UBR2: variants seen among roughly 807,000 people sequenced by gnomAD.
The protein encoded by UBR2 is E3 ubiquitin-protein ligase UBR2.
Under a neutral mutation model 247.9 loss-of-function variants are expected in UBR2, and 92 were observed. The ratio of observed to expected loss-of-function variants is 0.37; its 90% CI spans 0.31 to 0.44. UBR2 has a LOEUF of 0.44. Ranked by LOEUF, UBR2 falls within the 20% of genes least tolerant of loss-of-function variation. UBR2 has a pLI of 1.00. For missense variants in UBR2, 1,613 were observed against 2,112.6 expected (o/e 0.76, Z 4.64); for synonymous variants, 672 against 693.5 (o/e 0.97, Z 0.49).
chr6:42,660,925 C>G (rs1381199366), intron 30 of UBR2, among the ~76,000 whole-genome samples: 1 of 151,726 alleles, frequency 6.6e-6, no homozygotes, highest in Non-Finnish European at 1.5e-5. Flanking sequence ...CGAGATTGCA[C>G]CACTGCCCTC....
rs201965422 is a variant in UBR2 at position 42,632,569 on chromosome 6, A to G, written c.1299A>G (p.Thr433=). 2.2e-4 allele frequency: 348 copies of G among 1,608,230 alleles called. No homozygotes were observed. Among genetic ancestry groups the G allele is most frequent in the Middle Eastern group, 1.5e-3 (9 of 6,004 alleles). ...GTTTTTAGGCTCGAATGCTCATCAC[A>G]GAAGAAAACTTAATGAGCATTATCA... ...TVPSLARMLI[T]EENLMSIIIK... The change falls in exon 12 of 47, where the codon ACA becomes ACG. Residue 433 remains threonine (T), a synonymous_variant. Transcript: ENST00000372901.
chr6:42,689,666 C>T lies in UBR2; in HGVS notation c.5122C>T (p.Leu1708Phe). 6.2e-7 allele frequency: 1 copy of T among 1,613,898 alleles called. No individual in the cohort carries two copies. ...TGACTATGGGGAGACCGACCAGGGA[C>T]TCAGGTAAGAACCCATCCTGAGTTA... ...LDDYGETDQGLRRGNPLHLCK... is the reference protein window; with the variant it reads ...LDDYGETDQGFRRGNPLHLCK... The change falls in exon 46 of 47, where the codon CTC becomes TTC. Residue 1708 changes from leucine (L) to phenylalanine (F), a missense_variant. By Grantham distance (22) the Leu-to-Phe change is conservative. This residue lies in a region of UBR2 where 80 missense variants were observed against 108.6 expected (regional missense o/e 0.74). Transcript: ENST00000372901. This position sits in a 1 kb window ranked among gnomAD's most constrained non-coding sequence, Gnocchi z 4.0.
chr6:42,642,078 T>C (rs1298656385), intron 17 of UBR2, among the ~76,000 whole-genome samples: 1 of 152,172 alleles, frequency 6.6e-6, no homozygotes, highest in East Asian at 1.9e-4. Context: ...TTTTTTTTTT[T>C]CCAAGATCAG....
At position 42,640,400 on chromosome 6, in the gene UBR2, G is replaced by A. The variant is rs1409509577; in HGVS notation, c.1920+130G>A. 3.7e-3 allele frequency: 1,479 copies of A among 396,742 alleles called. 14 individuals carry two copies. The highest frequency in any genetic ancestry group is 9.6e-3 in the South Asian group (262 of 27,384). The allele number at this position is 396,742 out of a possible 1,614,324, so 24.6% of individuals were successfully genotyped here. ...ACCAGTAAGGTGTGTGTGTGTGTGT[G>A]TGTGTGTGTGTGTGTGTGTGTGTGT... On this transcript the variant is annotated intron_variant, in intron 16 of 46. Coordinates refer to ENST00000372901, the MANE Select transcript of UBR2 (RefSeq NM_001363705.2).
At chr6:42,652,734 G>A (rs956955823) in intron 25 of UBR2, 89 bp downstream of exon 25, 5 of 1,207,366 alleles carry the variant, frequency 4.1e-6, no homozygotes, top group Middle Eastern at 2.3e-4. Context: ...AGGAAAACTA[G>A]GCCGAAATGT....
At chr6:42,638,759 A>G (rs948207122) in intron 15 of UBR2, among the ~76,000 whole-genome samples, 8 of 152,194 alleles carry the variant, frequency 5.3e-5, no homozygotes, top group Non-Finnish European at 8.8e-5. Context: ...CTTAAAAAAA[A>G]AAAAGGCAAG....
At chr6:42,608,905 A>G (rs140751802) in intron 7 of UBR2, among the ~76,000 whole-genome samples, 40 of 152,244 alleles carry the variant, frequency 2.6e-4, no homozygotes, top group African/African-American at 9.1e-4. Flanking sequence ...TTTCTTTATA[A>G]TTTGTATGTT....
At chr6:42,632,955 T>TCA in intron 13 of UBR2, 51 bp downstream of exon 13, 7 of 1,069,746 alleles carry the variant, frequency 6.5e-6, no homozygotes, top group Non-Finnish European at 7.5e-6. Context: ...TTTTCTCTTT[T>TCA]CTCTTTTTTT....
chr6:42,564,471 C>A, intron 1 of UBR2, 74 bp downstream of exon 1: 2 of 1,513,490 alleles, frequency 1.3e-6, no homozygotes, highest in Non-Finnish European at 8.9e-7. Context: ...GACTCCTGGA[C>A]GTCCTGGAGC....
chr6:42,625,939 A>G (rs933326281), intron 11 of UBR2, among the ~76,000 whole-genome samples: 2 of 150,218 alleles, frequency 1.3e-5, no homozygotes, highest in Non-Finnish European at 3.0e-5. Context: ...TCAGCCTCCC[A>G]AGTAGCTGGG....
intron 11 of UBR2, among the ~76,000 whole-genome samples, chr6:42,620,844 A>T (rs1038544218): frequency 6.7e-6 from 1 of 149,928 alleles, no homozygotes; most frequent in Admixed American, 6.6e-5. Flanking sequence ...TCGCTCTGTC[A>T]CCCAGGCTGT....
At chr6:42,594,365 A>G in intron 4 of UBR2, 61 bp downstream of exon 4, 2 of 1,323,540 alleles carry the variant, frequency 1.5e-6, no homozygotes, top group Non-Finnish European at 2.2e-6. Context: ...AGAAATAGTC[A>G]TTAGATGATG....
intron 4 of UBR2, among the ~76,000 whole-genome samples, chr6:42,602,753 TGTGTGTGC>T (rs1012322601): frequency 6.0e-5 from 7 of 117,554 alleles, no homozygotes; most frequent in African/African-American, 1.8e-4. Context: ...ATTTTTATGC[TGTGTGTGC>T]GTGTGTGTGT....
intron 7 of UBR2, among the ~76,000 whole-genome samples, chr6:42,611,915 A>G (rs1794115831): frequency 2.0e-5 from 1 of 49,844 alleles, no homozygotes. Flanking sequence ...TCAAAAAAAG[A>G]AAAAAAAAAA....
intron 11 of UBR2, among the ~76,000 whole-genome samples, chr6:42,627,036 C>T (rs975017673): frequency 2.4e-4 from 37 of 152,214 alleles, no homozygotes; most frequent in African/African-American, 7.9e-4. Flanking sequence ...GAGAGCTGGC[C>T]AAGTGGGAGA....
chr6:42,650,728 A>G (rs1287637361), intron 23 of UBR2, among the ~76,000 whole-genome samples: 1 of 152,198 alleles, frequency 6.6e-6, no homozygotes, highest in Non-Finnish European at 1.5e-5. Flanking sequence ...ACCCTCACCT[A>G]ACATTTTGGA....
intron 4 of UBR2, among the ~76,000 whole-genome samples, chr6:42,597,833 T>C (rs998401034): frequency 1.2e-4 from 18 of 152,032 alleles, no homozygotes; most frequent in Non-Finnish European, 2.2e-4. Flanking sequence ...AGAGAATCGC[T>C]TGAACCCGAG....
At chr6:42,656,321 A>G (rs1797436841) in intron 26 of UBR2, among the ~76,000 whole-genome samples, 1 of 152,164 alleles carries the variant, frequency 6.6e-6, no homozygotes, top group African/African-American at 2.4e-5. Context: ...TTTTTTAAAT[A>G]TTATTCATGG....
At chr6:42,578,013 A>G (rs1582435166) in intron 2 of UBR2, among the ~76,000 whole-genome samples, 1 of 152,282 alleles carries the variant, frequency 6.6e-6, no homozygotes, top group East Asian at 1.9e-4. Context: ...GATCAAATCA[A>G]GGTAACTAGG....
Sources: allele counts gnomAD v4.1 joint callset (sites outside exome capture counted in the v4.1 genomes callset), GRCh38; gene constraint gnomAD v4.1.1; regional missense constraint gnomAD v4.1.1; non-coding constraint Gnocchi (gnomAD v3.1); transcripts MANE v1.5; gene names NCBI Gene and HGNC (gene_info 2026-07-23, HGNC 2026-07-21).